The following ADH6 variants were observed in gnomAD, a reference collection of about 807,000 sequenced individuals.
The protein encoded by ADH6 is alcohol dehydrogenase 6 (class V), also known as alcohol dehydrogenase 6.
In ADH6, 34 loss-of-function variants were observed where a neutral mutation model predicts 36.5. The ratio of observed to expected loss-of-function variants is 0.93; its 90% CI spans 0.71 to 1.24. The LOEUF (loss-of-function observed/expected upper bound fraction) is 1.24. Ranked by LOEUF, ADH6 falls within the 50% of genes most tolerant of loss-of-function variation. The pLI, the probability that ADH6 is intolerant of heterozygous loss-of-function variation, is 0.00. For synonymous variants in ADH6, 161 were observed against 155.5 expected (o/e 1.04, Z -0.26); for missense variants, 440 against 447.0 (o/e 0.98, Z 0.14).
At chr4:99,207,655 A>G in intron 6 of ADH6, 74 bp from the exon 7 acceptor site, 1 of 1,464,176 alleles carries the variant, frequency 6.8e-7, no homozygotes, top group Non-Finnish European at 9.4e-7. Context: ...TCTTAATTTC[A>G]GCTTAACTCC....
chr4:99,218,310 G>T (rs1407999145), intron 1 of ADH6, among the ~76,000 whole-genome samples: 1 of 152,056 alleles, frequency 6.6e-6, no homozygotes, highest in Non-Finnish European at 1.5e-5. Flanking sequence ...AACCTGGGAA[G>T]TAGCCTCAAT....
At chr4:99,213,804 G>A (rs112155081) in intron 2 of ADH6, 57 bp from the exon 3 acceptor site, 35 of 1,454,218 alleles carry the variant, frequency 2.4e-5, no homozygotes, top group Non-Finnish European at 2.9e-5. Flanking sequence ...TGGTGTTTTA[G>A]AGTTGTTGAC....
In ADH6 at chr4:99,216,197, T is replaced by A. The variant is rs747201312; in HGVS notation, c.84A>T (p.Glu28Asp). The change falls in exon 2 of 9, where the codon GAA becomes GAT. Residue 28 changes from glutamate to aspartate, a missense_variant. Transcript: ENST00000394899. ...PGAPFSIEEV[E>D]VAPPKAKEVR... ...CTTCCTTTGCCTTTGGTGGGGCCAC[T>A]TCTACCTCTTCAATAGAAAATGGTG... The A allele has an allele frequency of 3.2e-6, 5 of 1,577,396 alleles. No homozygotes were observed. The East Asian group carries it at 1.2e-4, about 36-fold the overall frequency.
At chr4:99,205,246 C>T (rs563606907) in intron 7 of ADH6, among the ~76,000 whole-genome samples, 183 bp from the exon 8 acceptor site, 3 of 152,082 alleles carry the variant, frequency 2.0e-5, no homozygotes, top group Non-Finnish European at 4.4e-5. Context: ...GGGCTGTGTT[C>T]CTAAAGGAGA....
In ADH6 at chr4:99,216,178, T is replaced by C; in HGVS notation, c.103A>G (p.Lys35Glu). Residue 35 changes from lysine (K) to glutamate (E), a missense_variant, in exon 2 of 9, where the codon AAG (lysine) becomes GAG (glutamate). Lys to Glu is a moderately conservative substitution (Grantham distance 56, BLOSUM62 1). Coordinates refer to ENST00000394899, the MANE Select transcript of ADH6 (RefSeq NM_001102470.2). ...TTTTTTACCTTTATGCGAACTTCCT[T>C]TGCCTTTGGTGGGGCCACTTCTACC... ...EEVEVAPPKA[K>E]EVRIKVVATG... The C allele has an allele frequency of 6.6e-7, 1 of 1,524,638 alleles. No individual in the cohort carries two copies. The highest frequency in any genetic ancestry group is 8.8e-7 in the Non-Finnish European group (1 of 1,134,984). 94.4% of individuals were successfully genotyped at this position (1,524,638 alleles called of 1,614,324 possible).
intron 1 of ADH6, 81 bp from the exon 2 acceptor site, chr4:99,216,343 A>G: frequency 1.3e-6 from 1 of 799,814 alleles, no homozygotes; most frequent in Non-Finnish European, 1.9e-6. Flanking sequence ...TGATTATAGA[A>G]TCATTAAATT....
At chr4:99,207,792 G>C (rs937620450) in intron 6 of ADH6, among the ~76,000 whole-genome samples, 1 of 151,788 alleles carries the variant, frequency 6.6e-6, no homozygotes, top group African/African-American at 2.4e-5. Context: ...TGGCACTTTA[G>C]GACTCAATAA....
At position 99,210,125 on chromosome 4, in the gene ADH6, C is replaced by T. The variant is rs750921089; in HGVS notation, c.524G>A (p.Cys175Tyr). ...AGCACCAAACCCAGTGGAAAAGCCA[C>T]AGCTAATTAGGCATACTTTCTCTAG... ...APLEKVCLIS[C>Y]GFSTGFGAAI... Residue 175 changes from cysteine to tyrosine, a missense_variant, in exon 5 of 9, where the codon TGT becomes TAT. Physicochemically the swap from Cys to Tyr is radical, Grantham distance 194 (BLOSUM62 -2). Coordinates refer to ENST00000394899, the MANE Select transcript of ADH6 (RefSeq NM_001102470.2). 5.6e-6 allele frequency: 9 copies of T among 1,613,672 alleles called. No homozygotes were observed. Among genetic ancestry groups the T allele is most frequent in the Non-Finnish European group, 7.6e-6 (9 of 1,179,782 alleles).
At position 99,216,135 on chromosome 4, in the gene ADH6, ATTTTTTTTTTTT is replaced by A. The variant is rs34008565; in HGVS notation, c.120+14_120+25del. ...GCTCTGGCTTTTGGCTTTTGGTGTG[ATTTTTTTTTTTT>A]TTTTTTTTTTTACCTTTATGCGAAC... On this transcript the variant is annotated intron_variant, in intron 2 of 8. Transcript: ENST00000394899. 1.3e-6 allele frequency: 1 copy of A among 780,234 alleles called. No homozygotes were observed. The highest frequency in any genetic ancestry group is 2.3e-5 in the African/African-American group (1 of 44,230). The allele number at this position is 780,234 out of a possible 1,614,324, so 48.3% of individuals were successfully genotyped here.
chr4:99,209,734 G>A (rs1201945821), intron 5 of ADH6, among the ~76,000 whole-genome samples: 3 of 152,150 alleles, frequency 2.0e-5, no homozygotes, highest in African/African-American at 7.2e-5. Context: ...ACCTGGGACA[G>A]TGAATGGCTC....
At chr4:99,211,465 C>T (rs907391307) in intron 3 of ADH6, among the ~76,000 whole-genome samples, 1 of 152,082 alleles carries the variant, frequency 6.6e-6, no homozygotes, top group Non-Finnish European at 1.5e-5. Flanking sequence ...CTCTACACCC[C>T]AACACTAAAA....
At chr4:99,204,527 C>G (rs1428745168) in intron 8 of ADH6, 5 of 1,254,978 alleles carry the variant, frequency 4.0e-6, no homozygotes, top group Non-Finnish European at 5.0e-6. Flanking sequence ...ATTAGGAATC[C>G]TATGAATAAT....
chr4:99,214,361 T>A (rs1183633491), intron 2 of ADH6, among the ~76,000 whole-genome samples: 4 of 152,120 alleles, frequency 2.6e-5, no homozygotes, highest in Non-Finnish European at 4.4e-5. Context: ...ACCACTGCAC[T>A]CCAGTCTGGG....
chr4:99,214,503 T>C (rs963260763), intron 2 of ADH6, among the ~76,000 whole-genome samples: 8 of 152,226 alleles, frequency 5.3e-5, no homozygotes, highest in African/African-American at 1.9e-4. Context: ...TTTATAGTTT[T>C]GTTATTTGTA....
chr4:99,206,080 C>T (rs998800312), intron 7 of ADH6, among the ~76,000 whole-genome samples: 1 of 152,012 alleles, frequency 6.6e-6, no homozygotes, highest in Non-Finnish European at 1.5e-5. Flanking sequence ...ATTTTTACAT[C>T]TATGTCAACC....
chr4:99,213,049 A>G (rs1230134304), intron 3 of ADH6, among the ~76,000 whole-genome samples: 1 of 151,890 alleles, frequency 6.6e-6, no homozygotes, highest in Non-Finnish European at 1.5e-5. Context: ...TGCTTTTCAC[A>G]TTTAATTTTT....
At chr4:99,216,831 G>A (rs1317892012) in intron 1 of ADH6, among the ~76,000 whole-genome samples, 1 of 148,498 alleles carries the variant, frequency 6.7e-6, no homozygotes, top group African/African-American at 2.5e-5. Context: ...TCAACAGAGC[G>A]AGACTCCATC....
intron 3 of ADH6, 118 bp from the exon 4 acceptor site, chr4:99,210,620 C>G (rs1373823764): frequency 1.5e-5 from 11 of 745,462 alleles, no homozygotes; most frequent in African/African-American, 3.6e-5. Flanking sequence ...AAATTATTTC[C>G]ACATTCAGTT....
chr4:99,204,415 C>A, intron 8 of ADH6, 172 bp from the exon 9 acceptor site: 1 of 1,408,494 alleles, frequency 7.1e-7, no homozygotes, highest in Non-Finnish European at 9.2e-7. Flanking sequence ...ACATGAAACT[C>A]CAAGGGTAAA....
Sources: gnomAD v4.1 joint callset for allele counts (sites outside exome capture counted in the v4.1 genomes callset) on GRCh38, gnomAD v4.1.1 for gene constraint, MANE v1.5 for transcripts, NCBI Gene and HGNC (gene_info 2026-07-23, HGNC 2026-07-21) for gene names.